DLG2: variants seen among roughly 807,000 people sequenced by gnomAD.
DLG2 encodes the protein discs large MAGUK scaffold protein 2, also known as disks large homolog 2.
Under a neutral mutation model 132.5 loss-of-function variants are expected in DLG2, and 45 were observed. The observed-to-expected ratio is 0.34, with a 90% CI of 0.27 to 0.44. The LOEUF is 0.44. Ranked by LOEUF, DLG2 falls within the 20% of genes least tolerant of loss-of-function variation. The pLI, the probability that DLG2 is intolerant of heterozygous loss-of-function variation, is 1.00. For missense variants in DLG2, 1,045 were observed against 1,196.9 expected (o/e 0.87, Z 1.87); for synonymous variants, 424 against 419.6 (o/e 1.01, Z -0.13).
intron 3 of DLG2, among the ~76,000 whole-genome samples, chr11:85,415,926 T>C (rs1310744971): frequency 6.6e-6 from 1 of 152,250 alleles, no homozygotes; most frequent in Non-Finnish European, 1.5e-5. Flanking sequence ...TTTGGTGTTT[T>C]AGTCATGAAG....
intron 4 of DLG2, among the ~76,000 whole-genome samples, chr11:85,190,303 T>C (rs1263673213): frequency 6.6e-6 from 1 of 152,162 alleles, no homozygotes; most frequent in African/African-American, 2.4e-5. Context: ...CTAAACTAAG[T>C]AGCTCCTGAG....
intron 6 of DLG2, among the ~76,000 whole-genome samples, chr11:84,761,914 C>T (rs1041122591): frequency 6.6e-6 from 1 of 152,196 alleles, no homozygotes; most frequent in East Asian, 1.9e-4. Context: ...TACAGATGGT[C>T]ACTTAAATAA....
At chr11:83,558,942 T>C (rs547632666) in intron 19 of DLG2, among the ~76,000 whole-genome samples, 1 of 150,438 alleles carries the variant, frequency 6.6e-6, no homozygotes, top group East Asian at 2.0e-4. Flanking sequence ...GCATGGCAGA[T>C]GAGATGTGCA....
intron 4 of DLG2, among the ~76,000 whole-genome samples, chr11:85,254,889 C>T (rs1244595482): frequency 4.6e-5 from 7 of 151,638 alleles, no homozygotes; most frequent in African/African-American, 1.5e-4. Context: ...GTCCCAGCTA[C>T]TCAGGAGGCT....
At chr11:85,030,782 A>C (rs1275801293) in intron 6 of DLG2, among the ~76,000 whole-genome samples, 1 of 152,086 alleles carries the variant, frequency 6.6e-6, no homozygotes, top group African/African-American at 2.4e-5. Flanking sequence ...TCATATTGAT[A>C]CTTAATTTCC....
intron 7 of DLG2, among the ~76,000 whole-genome samples, chr11:84,287,619 C>G: frequency 6.6e-6 from 1 of 151,820 alleles, no homozygotes; most frequent in East Asian, 1.9e-4. Context: ...GTCAGTGTTG[C>G]GTAAGTCTCT....
chr11:83,799,566 C>T (rs1284007538), intron 17 of DLG2, among the ~76,000 whole-genome samples: 1 of 152,156 alleles, frequency 6.6e-6, no homozygotes, highest in African/African-American at 2.4e-5. Context: ...TTCTATGCAG[C>T]TATTCTCCTC....
chr11:84,795,894 G>A (rs1459767245), intron 6 of DLG2, among the ~76,000 whole-genome samples: 1 of 152,008 alleles, frequency 6.6e-6, no homozygotes, highest in Non-Finnish European at 1.5e-5. Flanking sequence ...AAGCCAGCAC[G>A]CACGCTGACA....
At chr11:85,383,604 G>A (rs1040605355) in intron 3 of DLG2, among the ~76,000 whole-genome samples, 2 of 152,096 alleles carry the variant, frequency 1.3e-5, no homozygotes, top group African/African-American at 2.4e-5. Flanking sequence ...ATTAGCACAC[G>A]GTAAGTAGAG....
At chr11:83,849,841 A>G (rs2059337051) in intron 16 of DLG2, among the ~76,000 whole-genome samples, 2 of 151,930 alleles carry the variant, frequency 1.3e-5, no homozygotes, top group South Asian at 4.2e-4. Context: ...TGACATCTAA[A>G]ATGTGCTTAC....
At chr11:84,676,306 A>T (rs2099711144) in intron 6 of DLG2, among the ~76,000 whole-genome samples, 1 of 152,110 alleles carries the variant, frequency 6.6e-6, no homozygotes, top group Non-Finnish European at 1.5e-5. Context: ...CATTAACATT[A>T]TAATTAGTCA....
chr11:84,893,436 A>C (rs1458704123), intron 6 of DLG2, among the ~76,000 whole-genome samples: 4 of 152,174 alleles, frequency 2.6e-5, no homozygotes, highest in African/African-American at 9.7e-5. Context: ...AATAGCTCTA[A>C]ATGTGAGTCA....
At chr11:83,874,991 C>T (rs546913229) in intron 15 of DLG2, among the ~76,000 whole-genome samples, 111 of 152,162 alleles carry the variant, frequency 7.3e-4, no homozygotes, top group African/African-American at 2.3e-3. Flanking sequence ...CTTTATGATG[C>T]AATGTATTTT....
chr11:84,017,794 G>C (rs998448847), intron 11 of DLG2, among the ~76,000 whole-genome samples: 3 of 151,938 alleles, frequency 2.0e-5, no homozygotes, highest in Admixed American at 6.6e-5. Flanking sequence ...CACTTAAAAA[G>C]TATTTAGTAC....
intron 27 of DLG2, 187 bp downstream of exon 27, chr11:83,461,815 G>A (rs958018178): frequency 7.3e-6 from 4 of 550,134 alleles, no homozygotes; most frequent in Non-Finnish European, 1.3e-5. Flanking sequence ...TGAACTCTCA[G>A]GAGAACCCAG....
chr11:84,651,815 G>A (rs1027741874), intron 6 of DLG2, among the ~76,000 whole-genome samples: 4 of 152,194 alleles, frequency 2.6e-5, no homozygotes, highest in Admixed American at 2.6e-4. Context: ...TAGGCACCAT[G>A]AAAGGTGAAA....
intron 11 of DLG2, among the ~76,000 whole-genome samples, chr11:83,990,148 C>A (rs979647385): frequency 6.6e-6 from 1 of 151,884 alleles, no homozygotes; most frequent in Non-Finnish European, 1.5e-5. Flanking sequence ...AATCATTTCA[C>A]AAAAGGAAGT....
chr11:84,769,356 T>A (rs1248786991), intron 6 of DLG2, among the ~76,000 whole-genome samples: 1 of 152,114 alleles, frequency 6.6e-6, no homozygotes, highest in Non-Finnish European at 1.5e-5. Context: ...GAAAGCTTTA[T>A]CAACAGACTA....
chr11:83,553,899 CT>C (rs754561291), intron 19 of DLG2, among the ~76,000 whole-genome samples: 2,190 of 111,106 alleles, frequency 0.02, 41 homozygotes, highest in African/African-American at 0.073. Flanking sequence ...CTTTTTTTTT[CT>C]TTTTTTTTTT....
Sources: gnomAD v4.1 joint callset for allele counts (sites outside exome capture counted in the v4.1 genomes callset) on GRCh38, gnomAD v4.1.1 for gene constraint, MANE v1.5 for transcripts, NCBI Gene and HGNC (gene_info 2026-07-23, HGNC 2026-07-21) for gene names.